Variants in IQGAP1 observed in about 807,000 individuals in gnomAD.
IQGAP1 encodes the protein ras GTPase-activating-like protein IQGAP1.
Under a neutral mutation model 215.6 loss-of-function variants are expected in IQGAP1, and 66 were observed. The observed-to-expected ratio is 0.31, with a 90% CI of 0.25 to 0.38. The LOEUF is 0.38. IQGAP1 is among the 10% of genes least tolerant of loss of function. IQGAP1 has a pLI of 1.00. For synonymous variants in IQGAP1, 772 were observed against 728.7 expected (o/e 1.06, Z -0.96); for missense variants, 1,712 against 1,997.1 (o/e 0.86, Z 2.72).
intron 15 of IQGAP1, among the ~76,000 whole-genome samples, chr15:90,464,723 G>T (rs966564590): frequency 5.9e-5 from 9 of 151,940 alleles, no homozygotes; most frequent in African/African-American, 2.2e-4. Context: ...GTGGTGGCGG[G>T]TGCACGTAGT....
intron 2 of IQGAP1, among the ~76,000 whole-genome samples, chr15:90,420,416 A>G (rs888449539): frequency 2.0e-5 from 3 of 152,178 alleles, no homozygotes; most frequent in Non-Finnish European, 4.4e-5. Context: ...TTAGGGTGCC[A>G]GTAGAGAATT....
intron 2 of IQGAP1, among the ~76,000 whole-genome samples, chr15:90,420,352 A>G (rs879475438): frequency 1.3e-5 from 2 of 152,184 alleles, no homozygotes; most frequent in Admixed American, 6.5e-5. Context: ...GTCCATGGCC[A>G]GTGCTACTCA....
intron 1 of IQGAP1, among the ~76,000 whole-genome samples, chr15:90,390,016 A>T (rs757973947): frequency 4.0e-5 from 6 of 151,720 alleles, no homozygotes; most frequent in Non-Finnish European, 8.8e-5. Context: ...CTGAGGGAAG[A>T]GCATAAACAA....
At chr15:90,465,224 G>A (rs1965813912) in intron 15 of IQGAP1, among the ~76,000 whole-genome samples, 1 of 152,208 alleles carries the variant, frequency 6.6e-6, no homozygotes, top group African/African-American at 2.4e-5. Flanking sequence ...AATGTGATGA[G>A]TCAAAGATTC....
intron 2 of IQGAP1, among the ~76,000 whole-genome samples, chr15:90,419,973 G>C (rs1250324546): frequency 6.6e-6 from 1 of 152,178 alleles, no homozygotes; most frequent in African/African-American, 2.4e-5. Flanking sequence ...TACTTACTCT[G>C]TGCCAGGCAC....
Position 90,472,981 on chromosome 15 carries a change from A to G in IQGAP1, c.2320A>G (p.Lys774Glu), listed in dbSNP as rs1343851897. The change falls in exon 19 of 38, where the codon AAA becomes GAA. Residue 774 changes from lysine to glutamate, a missense_variant. This residue lies in a region of IQGAP1 where 1,021 missense variants were observed against 1,074.2 expected (regional missense o/e 0.95). Transcript: ENST00000268182. ...CCGATCCAGGATGAATTTCCTGAAG[A>G]AACAAATCCCTGCCATCACCTGCAT... ...EFRSRMNFLKKQIPAITCIQS... is the reference protein window; with the variant it reads ...EFRSRMNFLKEQIPAITCIQS... The G allele has an allele frequency of 6.2e-7, 1 of 1,613,998 alleles. No individual in the cohort carries two copies. The highest frequency in any genetic ancestry group is 8.5e-7 in the Non-Finnish European group (1 of 1,179,998).
intron 18 of IQGAP1, among the ~76,000 whole-genome samples, chr15:90,472,472 C>T (rs1463069975): frequency 6.6e-6 from 1 of 152,126 alleles, no homozygotes; most frequent in Non-Finnish European, 1.5e-5. Context: ...TTCTAGGGGT[C>T]CCTCGGTACG....
intron 2 of IQGAP1, among the ~76,000 whole-genome samples, chr15:90,422,110 T>C (rs1440405486): frequency 6.6e-6 from 1 of 152,128 alleles, no homozygotes; most frequent in Non-Finnish European, 1.5e-5. Context: ...CTGCGATTTT[T>C]CCCTTTTTAG....
chr15:90,422,558 A>G (rs1313382801), intron 2 of IQGAP1, among the ~76,000 whole-genome samples: 1 of 148,982 alleles, frequency 6.7e-6, no homozygotes, highest in East Asian at 1.9e-4. Flanking sequence ...GAAACTATAT[A>G]ATAACATGGA....
chr15:90,456,056 T>A, intron 14 of IQGAP1, 96 bp from the exon 15 acceptor site: 1 of 1,023,570 alleles, frequency 9.8e-7, no homozygotes, highest in Non-Finnish European at 1.4e-6. Context: ...TGGTTACTCT[T>A]AGGTGGATTT....
chr15:90,440,570 A>C lies in IQGAP1; in HGVS notation c.604A>C (p.Ile202Leu), dbSNP rs746681918. The C allele has an allele frequency of 2.5e-6, 4 of 1,570,062 alleles. No individual in the cohort carries two copies. In the East Asian group the frequency reaches 9.2e-5, roughly 36 times the overall value. Reference sequence around the variant, plus strand: ...CATCCAGATGCCTGCCTTTAGCAAGATTGGGGGCATCTTGGCTAATGAACT... The same window carrying C: ...CATCCAGATGCCTGCCTTTAGCAAGCTTGGGGGCATCTTGGCTAATGAACT... ...YGIQMPAFSK[I>L]GGILANELSV... The change falls in exon 7 of 38, where the codon ATT (isoleucine) becomes CTT (leucine). Residue 202 changes from isoleucine to leucine, a missense_variant. By Grantham distance (5) the Ile-to-Leu change is conservative (BLOSUM62 2). Transcript: ENST00000268182.
At chr15:90,441,142 A>C (rs1226758329) in intron 7 of IQGAP1, among the ~76,000 whole-genome samples, 1 of 152,124 alleles carries the variant, frequency 6.6e-6, no homozygotes, top group Non-Finnish European at 1.5e-5. Flanking sequence ...AGGAAGTCCT[A>C]CATTTCCGTG....
At chr15:90,485,000 T>G (rs1966107243) in intron 30 of IQGAP1, among the ~76,000 whole-genome samples, 2 of 152,184 alleles carry the variant, frequency 1.3e-5, no homozygotes, top group African/African-American at 4.8e-5. Flanking sequence ...CTTCTTTCTT[T>G]TTACCCTAGC....
intron 2 of IQGAP1, among the ~76,000 whole-genome samples, chr15:90,398,604 C>T (rs951068042): frequency 6.6e-6 from 1 of 152,100 alleles, no homozygotes; most frequent in Middle Eastern, 3.2e-3. Context: ...TACACCTAAC[C>T]TACTGAGTAT....
rs575456515 is a variant in IQGAP1, at chr15:90,408,951, T to C, written c.156-17159T>C. ...GGACTGCAGATGCATGCCACCATGC[T>C]GGCTTAACATGCCATCTTGACCTCT... On this transcript the variant is annotated intron_variant, in intron 2 of 37. Transcript: ENST00000268182. Among the ~76,000 whole-genome samples the C allele has an allele frequency of 7.9e-5, 12 of 152,214 alleles. No homozygotes were observed. In the East Asian group the frequency reaches 1.4e-3, roughly 17 times the overall value.
intron 2 of IQGAP1, among the ~76,000 whole-genome samples, chr15:90,421,604 T>C (rs538213509): frequency 9.2e-5 from 14 of 152,332 alleles, no homozygotes; most frequent in Admixed American, 2.0e-4. Flanking sequence ...AGTGTCATAA[T>C]GAAGAAGGTG....
In IQGAP1 at chr15:90,423,233, G is replaced by C. The variant is rs150773069; in HGVS notation, c.156-2877G>C. On this transcript the variant is annotated intron_variant, in intron 2 of 37. Transcript: ENST00000268182. ...GGCACTTTACTTTTCAAAGCAGTTT[G>C]GTCCTGATTTGTTCGTTTGTGACAG... 4.1e-3 allele frequency among the ~76,000 whole-genome samples: 623 copies of C among 152,140 alleles called. 2 individuals carry two copies. The highest frequency in any genetic ancestry group is 0.014 in the African/African-American group (597 of 41,518).
intron 2 of IQGAP1, among the ~76,000 whole-genome samples, chr15:90,404,297 C>T (rs547688710): frequency 2.6e-4 from 40 of 152,268 alleles, no homozygotes; most frequent in Non-Finnish European, 4.3e-4. Flanking sequence ...AGGCTGTTTC[C>T]GCTTTAATTT....
chr15:90,474,393 T>C lies in IQGAP1; in HGVS notation c.2576-92T>C, dbSNP rs188717311. The stretch of plus-strand genomic sequence containing the variant: ...TTAGCACATCTCAAAATTAAATGTT[T>C]ATGAATAGACTACTTTTTCAAGACA... On this transcript the variant is annotated intron_variant, in intron 22 of 37. Coordinates refer to ENST00000268182, the MANE Select transcript of IQGAP1 (RefSeq NM_003870.4). 79 of 1,041,852 alleles carry C rather than the reference T, an allele frequency of 7.6e-5. No homozygotes were observed. In the African/African-American group the frequency reaches 9.7e-4, roughly 13 times the overall value. The allele number at this position is 1,041,852 out of a possible 1,614,324, so 64.5% of individuals were successfully genotyped here.
Sources: allele counts gnomAD v4.1 joint callset (sites outside exome capture counted in the v4.1 genomes callset), GRCh38; gene constraint gnomAD v4.1.1; regional missense constraint gnomAD v4.1.1; transcripts MANE v1.5; gene names NCBI Gene and HGNC (gene_info 2026-07-23, HGNC 2026-07-21).